SLC25A48: variants seen among roughly 807,000 people sequenced by gnomAD.
The protein encoded by SLC25A48 is solute carrier family 25 member 48.
A neutral mutation model predicts 32.2 loss-of-function variants in SLC25A48; 29 were observed. The observed-to-expected ratio is 0.90, with a 90% confidence interval of 0.67 to 1.23. SLC25A48 has a LOEUF of 1.23. Among genes scored for constraint, SLC25A48 ranks in the 50% most tolerant of loss-of-function variants. SLC25A48 has a pLI of 0.00. For synonymous variants in SLC25A48, 164 were observed against 172.3 expected, an observed-to-expected ratio of 0.95 and a Z score of 0.38; for missense variants, 399 against 422.7, an observed-to-expected ratio of 0.94 and a Z score of 0.49.
intron 3 of SLC25A48, among the ~76,000 whole-genome samples, chr5:135,851,272 G>A (rs139831793): frequency 1.3e-5 from 2 of 152,280 alleles, no homozygotes; most frequent in East Asian, 1.9e-4. Flanking sequence ...TGTGTCTTGC[G>A]TCAGGGTGGT....
chr5:135,607,328 T>C (rs943484538), intron 1 of SLC25A48, among the ~76,000 whole-genome samples: 5 of 152,194 alleles, frequency 3.3e-5, no homozygotes, highest in Admixed American at 3.3e-4. Context: ...ACAGCTGATC[T>C]CCAATCAAGG....
At position 135,625,465 on chromosome 5, in the gene SLC25A48, G is replaced by A. The variant is rs549531635; in HGVS notation, c.-848-3772G>A. 5.8e-4 allele frequency among the ~76,000 whole-genome samples: 89 copies of A among 152,152 alleles called. 3 individuals carry two copies. The South Asian group carries it at 0.017, about 29-fold the overall frequency. ...ACTTGTTTCTAGAGCTCTTGGTCAGGGTCCTTCTCATCCACACCTAGATGG... is the reference window on the plus strand; with the variant it reads ...ACTTGTTTCTAGAGCTCTTGGTCAGAGTCCTTCTCATCCACACCTAGATGG... On this transcript the variant is annotated intron_variant, in intron 1 of 10. Transcript: ENST00000646290.
chr5:135,849,443 G>T, intron 2 of SLC25A48, among the ~76,000 whole-genome samples: 1 of 152,148 alleles, frequency 6.6e-6, no homozygotes, highest in East Asian at 1.9e-4. Flanking sequence ...GGTACTCTTC[G>T]GTGGGCTTAC....
rs1756773686 is a variant in SLC25A48, at chr5:135,783,736, C to T, written c.-520-28787C>T. Reference sequence around the variant, plus strand: ...CCCATGTGATACTGTTCTTAATTTCCAGAGGGAAGGAGGATAATATTGCTT... The same window carrying T: ...CCCATGTGATACTGTTCTTAATTTCTAGAGGGAAGGAGGATAATATTGCTT... On this transcript the variant is annotated intron_variant, in intron 3 of 10. Transcript: ENST00000646290. Among the ~76,000 whole-genome samples the T allele has an allele frequency of 1.7e-5, 2 of 118,730 alleles. 1 individual carries two copies. The highest frequency in any genetic ancestry group is 4.2e-5 in the Non-Finnish European group (2 of 48,048). 77.9% of individuals were successfully genotyped at this position (118,730 alleles called of 152,430 possible). A position where few individuals can be genotyped will look rare whatever the true frequency, so the allele number is the denominator to read the frequency against.
intron 3 of SLC25A48, among the ~76,000 whole-genome samples, chr5:135,769,740 C>T (rs1018422169): frequency 1.3e-5 from 2 of 151,160 alleles, no homozygotes; most frequent in Admixed American, 1.3e-4. Context: ...CTCCCAATAT[C>T]GCAGGACGTG....
intron 1 of SLC25A48, among the ~76,000 whole-genome samples, chr5:135,612,224 A>G (rs915163104): frequency 3.9e-5 from 6 of 152,240 alleles, no homozygotes; most frequent in African/African-American, 1.4e-4. Context: ...AAAGAATACC[A>G]TGTTTATGAA....
At chr5:135,788,039 G>A (rs62364673) in intron 3 of SLC25A48, among the ~76,000 whole-genome samples, 1 of 151,730 alleles carries the variant, frequency 6.6e-6, no homozygotes, top group Non-Finnish European at 1.5e-5. Flanking sequence ...ATATCTTAGG[G>A]TGATATTACT....
intron 1 of SLC25A48, among the ~76,000 whole-genome samples, chr5:135,624,052 CG>C (rs1166691198): frequency 6.6e-6 from 1 of 152,054 alleles, no homozygotes; most frequent in Admixed American, 6.6e-5. Flanking sequence ...CGGGTGGGAG[CG>C]GGGGGTTGGT....
chr5:135,832,803 T>C (rs116654123), upstream of SLC25A48, among the ~76,000 whole-genome samples: 1,251 of 152,318 alleles, frequency 8.2e-3, 8 homozygotes, highest in African/African-American at 0.026. Flanking sequence ...AGGAAAGTGC[T>C]CTGAGAGGTC....
At chr5:135,797,974 C>T (rs1757229643) in intron 3 of SLC25A48, among the ~76,000 whole-genome samples, 1 of 151,644 alleles carries the variant, frequency 6.6e-6, no homozygotes, top group African/African-American at 2.4e-5. Context: ...TTTTTAATAT[C>T]CAGAGGAAGA....
At chr5:135,584,224 C>T (rs747342674) in intron 1 of SLC25A48, among the ~76,000 whole-genome samples, 1 of 152,248 alleles carries the variant, frequency 6.6e-6, no homozygotes, top group Non-Finnish European at 1.5e-5. Context: ...TTTATTCCAC[C>T]ATCTATTCAT....
At chr5:135,883,160 C>T (rs1762594336) in intron 7 of SLC25A48, 1 of 985,388 alleles carries the variant, frequency 1.0e-6, no homozygotes, top group Admixed American at 6.1e-5. Context: ...GGCTTTCAGC[C>T]AGGCAGGCTG....
rs138488594 is a variant in SLC25A48, at chr5:135,654,120, G to C, written c.-521+19164G>C. Among the ~76,000 whole-genome samples the C allele has an allele frequency of 1.7e-3, 253 of 152,306 alleles. 1 individual carries two copies. Among genetic ancestry groups the C allele is most frequent in the African/African-American group, 5.8e-3 (242 of 41,570 alleles). ...AGAGACAAAAATGGGCAACCGTCTAGGGAAAAGGAGTGCCCAAAATTGTGA... is the reference window on the plus strand; with the variant it reads ...AGAGACAAAAATGGGCAACCGTCTACGGAAAAGGAGTGCCCAAAATTGTGA... On this transcript the variant is annotated intron_variant, in intron 3 of 10. Transcript: ENST00000646290.
exon 3 of SLC25A48, chr5:135,634,879 A>T (rs1175482017): frequency 2.0e-5 from 3 of 152,284 alleles, no homozygotes; most frequent in Non-Finnish European, 4.4e-5. Flanking sequence ...TCCAGGGCAG[A>T]TGGGGCTCTA....
chr5:135,678,344 A>G (rs1753817233), intron 3 of SLC25A48, among the ~76,000 whole-genome samples: 1 of 152,004 alleles, frequency 6.6e-6, no homozygotes, highest in Non-Finnish European at 1.5e-5. Flanking sequence ...CATTTTGTTT[A>G]ATGATTTCAT....
At chr5:135,846,640 A>T (rs1759446162) in intron 2 of SLC25A48, among the ~76,000 whole-genome samples, 1 of 152,150 alleles carries the variant, frequency 6.6e-6, no homozygotes, top group African/African-American at 2.4e-5. Flanking sequence ...CTGGAGTAGC[A>T]TGAGATTCAC....
intron 3 of SLC25A48, among the ~76,000 whole-genome samples, chr5:135,787,098 G>A (rs1756866694): frequency 6.6e-6 from 1 of 151,856 alleles, no homozygotes; most frequent in Non-Finnish European, 1.5e-5. Context: ...AATCCTAGGG[G>A]GATGTTACTC....
intron 1 of SLC25A48, among the ~76,000 whole-genome samples, chr5:135,624,460 T>C (rs2126901421): frequency 6.6e-6 from 1 of 152,332 alleles, no homozygotes; most frequent in African/African-American, 2.4e-5. Context: ...TTCATGTTAA[T>C]ATGGAAAATA....
chr5:135,857,615 C>G lies in SLC25A48; in HGVS notation c.421+4794C>G, dbSNP rs574580262. 6.6e-5 allele frequency among the ~76,000 whole-genome samples: 10 copies of G among 152,384 alleles called. No homozygotes were observed. The South Asian group carries it at 2.1e-3, about 32-fold the overall frequency. On this transcript the variant is annotated intron_variant, in intron 4 of 7. Transcript: ENST00000681962. ...GCAGTGGTGAACAAAAGACTGCATC[C>G]TGTCTCTGTTACAGTGTGGCATCCA...
Sources: gnomAD v4.1 joint callset for allele counts (sites outside exome capture counted in the v4.1 genomes callset) on GRCh38, gnomAD v4.1.1 for gene constraint, MANE v1.5 for transcripts, NCBI Gene and HGNC (gene_info 2026-07-23, HGNC 2026-07-21) for gene names.